MYO3A: variants seen among roughly 807,000 people sequenced by gnomAD.
The protein encoded by MYO3A is myosin-IIIa.
In MYO3A, 180 loss-of-function variants were observed where a neutral mutation model predicts 192.7. That is an observed-to-expected ratio of 0.93 (90% CI 0.83 to 1.06). The LOEUF (loss-of-function observed/expected upper bound fraction) is 1.06. Among genes scored for constraint, MYO3A ranks in the 50% least tolerant of loss-of-function variants. The pLI is 0.00. For synonymous variants in MYO3A, 628 were observed against 645.3 expected (o/e 0.97, Z 0.41); for missense variants, 1,896 against 1,905.0 (o/e 1.00, Z 0.09).
Position 26,169,375 on chromosome 10 carries a change from A to T in MYO3A, c.3274+501A>T, listed in dbSNP as rs778669990. ...TAATAGACTTTGGATTTTGCTTTCT[A>T]TTTTTCCATAAGAAATGAAATTTAG... On this transcript the variant is annotated intron_variant, in intron 28 of 34. Transcript: ENST00000642920. Among the ~76,000 whole-genome samples the T allele has an allele frequency of 1.4e-4, 22 of 152,078 alleles. 1 individual carries two copies. The highest frequency in any genetic ancestry group is 7.2e-4 in the Admixed American group (11 of 15,262).
chr10:26,135,722 C>T (rs1371493717), intron 20 of MYO3A, among the ~76,000 whole-genome samples: 1 of 152,088 alleles, frequency 6.6e-6, no homozygotes, highest in East Asian at 1.9e-4. Flanking sequence ...CGCTTGTAAT[C>T]CCAGCACTTT....
chr10:25,987,624 A>G (rs1337674133), intron 4 of MYO3A, among the ~76,000 whole-genome samples: 3 of 152,360 alleles, frequency 2.0e-5, no homozygotes, highest in Middle Eastern at 6.8e-3. Context: ...ATCACTAATT[A>G]TCAGAGAAAT....
chr10:26,005,433 T>C (rs1841127815), intron 6 of MYO3A, among the ~76,000 whole-genome samples: 2 of 151,218 alleles, frequency 1.3e-5, no homozygotes, highest in African/African-American at 4.9e-5. Context: ...TCATTTTGTT[T>C]TAAAGGACAT....
chr10:26,025,591 G>A (rs1348808108), intron 9 of MYO3A, among the ~76,000 whole-genome samples: 1 of 152,168 alleles, frequency 6.6e-6, no homozygotes, highest in Admixed American at 6.5e-5. Context: ...TCTGAAAGCT[G>A]TTTCTCTCTT....
chr10:26,056,140 T>A (rs1404471231), intron 10 of MYO3A, among the ~76,000 whole-genome samples: 1 of 152,100 alleles, frequency 6.6e-6, no homozygotes, highest in Non-Finnish European at 1.5e-5. Flanking sequence ...AGTAGAGAGA[T>A]GGGAATTCTG....
chr10:25,971,935 C>T (rs749255550), intron 4 of MYO3A, among the ~76,000 whole-genome samples: 38 of 152,074 alleles, frequency 2.5e-4, no homozygotes, highest in Non-Finnish European at 5.0e-4. Context: ...CTCCGCCTCC[C>T]GGGTTCAAGC....
chr10:26,003,441 T>C (rs773674424), intron 6 of MYO3A, among the ~76,000 whole-genome samples: 2 of 152,194 alleles, frequency 1.3e-5, no homozygotes, highest in Non-Finnish European at 2.9e-5. Context: ...AAAAGTAAGA[T>C]TCAGTTTGCT....
intron 31 of MYO3A, among the ~76,000 whole-genome samples, chr10:26,179,174 C>G (rs1736085803): frequency 1.5e-5 from 2 of 135,230 alleles, no homozygotes; most frequent in Non-Finnish European, 3.0e-5. Context: ...TCTCAGCTTG[C>G]TGGAACCTCT....
At position 26,025,345 on chromosome 10, in the gene MYO3A, C is replaced by A. The variant is rs1267820914; in HGVS notation, c.798-1032C>A. Among the ~76,000 whole-genome samples, 4 of 150,938 alleles carry A rather than the reference C, an allele frequency of 2.7e-5. No individual in the cohort carries two copies. The East Asian group carries it at 7.8e-4, about 29-fold the overall frequency. On this transcript the variant is annotated intron_variant, in intron 9 of 34. Transcript: ENST00000642920. Reference sequence around the variant, plus strand: ...GCTTTTTTTCTTTTTTTTTTAATATCCCCAAATGACAGCCCAGTTTTCTCA... The same window carrying A: ...GCTTTTTTTCTTTTTTTTTTAATATACCCAAATGACAGCCCAGTTTTCTCA...
At chr10:26,131,519 T>C (rs1221264927) in intron 20 of MYO3A, among the ~76,000 whole-genome samples, 1 of 152,216 alleles carries the variant, frequency 6.6e-6, no homozygotes, top group African/African-American at 2.4e-5. Context: ...CTTTCTCTTA[T>C]AGCCTGCTTT....
At chr10:26,098,295 G>T (rs144611887) in intron 17 of MYO3A, among the ~76,000 whole-genome samples, 9,301 of 152,226 alleles carry the variant, frequency 0.061, 369 homozygotes, top group Non-Finnish European at 0.089. Context: ...TAAGCTATTT[G>T]TAGATTCTGG....
intron 6 of MYO3A, among the ~76,000 whole-genome samples, chr10:26,005,738 T>G (rs1358766801): frequency 6.6e-6 from 1 of 152,098 alleles, no homozygotes; most frequent in Non-Finnish European, 1.5e-5. Flanking sequence ...TTATGAATCT[T>G]GAAAATTTGA....
chr10:26,078,399 T>C (rs1835729625), intron 14 of MYO3A, among the ~76,000 whole-genome samples: 1 of 152,088 alleles, frequency 6.6e-6, no homozygotes, highest in African/African-American at 2.4e-5. Flanking sequence ...TTTTCTTTTC[T>C]TGGTTAATCT....
chr10:26,002,576 G>T (rs553851640), intron 6 of MYO3A, among the ~76,000 whole-genome samples: 14 of 150,326 alleles, frequency 9.3e-5, no homozygotes, highest in African/African-American at 3.5e-4. Context: ...GCAGGTAATC[G>T]GAATAAGTCA....
chr10:26,064,122 G>T (rs546333174), intron 10 of MYO3A, among the ~76,000 whole-genome samples: 3 of 152,178 alleles, frequency 2.0e-5, no homozygotes, highest in Non-Finnish European at 4.4e-5. Flanking sequence ...GGGGGAGAAG[G>T]CAATGGCTAA....
chr10:25,961,596 G>T (rs1011930378), intron 4 of MYO3A, among the ~76,000 whole-genome samples: 3 of 152,104 alleles, frequency 2.0e-5, no homozygotes, highest in Admixed American at 2.0e-4. Context: ...TAATAAAATG[G>T]TATTTCCAAA....
chr10:26,207,092 A>T (rs1564647122), intron 34 of MYO3A, among the ~76,000 whole-genome samples: 1 of 149,458 alleles, frequency 6.7e-6, no homozygotes, highest in Non-Finnish European at 1.5e-5. Context: ...AAGTTGTATC[A>T]GTTTCCTTAT....
At position 26,147,483 on chromosome 10, in the gene MYO3A, T is replaced by G; in HGVS notation, c.2559T>G (p.Thr853=). ...CCAAAAACAGAGACACTCTTCCTAC[T>G]GACATTGTGCTACTTTTGAGGTCAT... ...FLAKNRDTLP[T]DIVLLLRSSD... is the part of the protein sequence containing the mutation. Residue 853 remains threonine (T), a synonymous_variant, in exon 23 of 35, where the codon ACT becomes ACG. Coordinates refer to ENST00000642920, the MANE Select transcript of MYO3A (RefSeq NM_017433.5). 1 of 1,613,970 alleles carries G rather than the reference T, an allele frequency of 6.2e-7. No individual in the cohort carries two copies. Among genetic ancestry groups the G allele is most frequent in the Non-Finnish European group, 8.5e-7 (1 of 1,179,868 alleles).
chr10:26,211,704 G>A, intron 34 of MYO3A, 139 bp from the exon 35 acceptor site: 1 of 1,335,906 alleles, frequency 7.5e-7, no homozygotes, highest in Non-Finnish European at 1.0e-6. Flanking sequence ...CCATTATCCA[G>A]TCGTTTCGAT....
Sources: allele counts gnomAD v4.1 joint callset (sites outside exome capture counted in the v4.1 genomes callset), GRCh38; gene constraint gnomAD v4.1.1; transcripts MANE v1.5; gene names NCBI Gene and HGNC (gene_info 2026-07-23, HGNC 2026-07-21).